Variants in BICC1 observed in about 807,000 individuals in gnomAD.
BICC1 encodes the protein protein bicaudal C homolog 1.
In BICC1, 43 loss-of-function variants were observed where a neutral mutation model predicts 111.0. The observed-to-expected ratio is 0.39, with a 90% CI of 0.30 to 0.50. BICC1 has a LOEUF of 0.50. Ranked by LOEUF, BICC1 falls within the 20% of genes least tolerant of loss-of-function variation. The pLI, the probability that BICC1 is intolerant of heterozygous loss-of-function variation, is 0.88. For missense variants in BICC1, 1,091 were observed against 1,203.2 expected (o/e 0.91, Z 1.38); for synonymous variants, 467 against 434.4 (o/e 1.07, Z -0.93).
intron 8 of BICC1, among the ~76,000 whole-genome samples, chr10:58,791,695 G>A (rs550467371): frequency 3.9e-5 from 6 of 152,170 alleles, no homozygotes; most frequent in African/African-American, 7.2e-5. Context: ...AGCCGAGATC[G>A]CGCCACTGCA....
At chr10:58,720,698 G>A (rs1456942576) in intron 3 of BICC1, among the ~76,000 whole-genome samples, 2 of 152,222 alleles carry the variant, frequency 1.3e-5, no homozygotes, top group Non-Finnish European at 2.9e-5. Context: ...ATCGGTGACA[G>A]CCGGTGACCT....
intron 1 of BICC1, among the ~76,000 whole-genome samples, chr10:58,519,398 C>G (rs1006797517): frequency 2.0e-5 from 3 of 152,084 alleles, no homozygotes; most frequent in Non-Finnish European, 4.4e-5. Context: ...TGGAAGTAGG[C>G]AAAGAAGAAG....
At chr10:58,755,110 A>C (rs1205297194) in intron 3 of BICC1, among the ~76,000 whole-genome samples, 1 of 146,284 alleles carries the variant, frequency 6.8e-6, no homozygotes, top group Non-Finnish European at 1.5e-5. Flanking sequence ...GTCAGATCAC[A>C]GGATTTTTCT....
chr10:58,513,460 C>T, intron 1 of BICC1, 127 bp downstream of exon 1: 1 of 904,346 alleles, frequency 1.1e-6, no homozygotes, highest in Non-Finnish European at 1.6e-6. Context: ...AGGCCCGCTC[C>T]CCCGCGGAGC....
At chr10:58,790,068 A>T in intron 8 of BICC1, 135 bp downstream of exon 8, 1 of 961,040 alleles carries the variant, frequency 1.0e-6, no homozygotes, top group Non-Finnish European at 1.6e-6. Flanking sequence ...GTTTCTTGCT[A>T]AAAGGAAATA....
intron 2 of BICC1, among the ~76,000 whole-genome samples, chr10:58,628,916 C>T (rs932104023): frequency 1.3e-5 from 2 of 152,126 alleles, no homozygotes; most frequent in African/African-American, 2.4e-5. Context: ...ATAGATGTCA[C>T]TCATATGTTG....
chr10:58,808,917 G>A (rs1005746261), intron 17 of BICC1, among the ~76,000 whole-genome samples: 2 of 152,028 alleles, frequency 1.3e-5, no homozygotes, highest in Admixed American at 6.6e-5. Context: ...GTTTCACCAT[G>A]TTGACCAGGC....
chr10:58,602,459 G>A (rs1490767515), intron 1 of BICC1, among the ~76,000 whole-genome samples: 1 of 152,122 alleles, frequency 6.6e-6, no homozygotes, highest in East Asian at 1.9e-4. Context: ...GTGGTTTGCT[G>A]CCTACTGATG....
intron 3 of BICC1, among the ~76,000 whole-genome samples, chr10:58,767,703 A>G (rs1464022524): frequency 1.3e-5 from 2 of 152,154 alleles, no homozygotes; most frequent in Non-Finnish European, 2.9e-5. Flanking sequence ...GTGTAAATCT[A>G]AATAAAACTC....
intron 2 of BICC1, among the ~76,000 whole-genome samples, chr10:58,628,912 G>A (rs766454592): frequency 2.6e-5 from 4 of 152,144 alleles, no homozygotes; most frequent in South Asian, 2.1e-4. Context: ...CTCCATAGAT[G>A]TCACTCATAT....
intron 4 of BICC1, among the ~76,000 whole-genome samples, chr10:58,785,767 A>G (rs1280533639): frequency 1.3e-5 from 2 of 152,190 alleles, no homozygotes; most frequent in African/African-American, 4.8e-5. Context: ...CAAAGGTATT[A>G]AGTAATTTGT....
At chr10:58,704,991 A>G (rs1032000407) in intron 3 of BICC1, among the ~76,000 whole-genome samples, 6 of 152,198 alleles carry the variant, frequency 3.9e-5, no homozygotes, top group African/African-American at 1.4e-4. Context: ...TTTTTAAGCC[A>G]TTAATCCTTT....
intron 15 of BICC1, 127 bp from the exon 16 acceptor site, chr10:58,806,457 G>T (rs1224200939): frequency 2.6e-6 from 2 of 778,598 alleles, no homozygotes; most frequent in East Asian, 2.5e-5. Context: ...GCATTATTGT[G>T]CAAAGCTTGG....
At chr10:58,651,690 A>G (rs1202646450) in intron 2 of BICC1, among the ~76,000 whole-genome samples, 3 of 152,188 alleles carry the variant, frequency 2.0e-5, no homozygotes, top group Non-Finnish European at 4.4e-5. Flanking sequence ...TGAAATACAT[A>G]CATCTAGAGT....
In BICC1 at chr10:58,817,640, G is replaced by A. The variant is rs1318361039; in HGVS notation, c.2612G>A (p.Ser871Asn). Residue 871 changes from serine (S) to asparagine (N), a missense_variant, in exon 19 of 21, where the codon AGC becomes AAC. Physicochemically the swap from Ser to Asn is conservative, Grantham distance 46. Around this residue, in one of 3 missense-constraint regions of BICC1, gnomAD observed 231 missense variants for 256.2 expected, o/e 0.90. Coordinates refer to ENST00000373886, the MANE Select transcript of BICC1 (RefSeq NM_001080512.3). Reference sequence around the variant, plus strand: ...GGAAGCAATGGCTGTAACTTAAATAGCTCTTTCAAAGGTTCTGACCTCCCT... The same window carrying A: ...GGAAGCAATGGCTGTAACTTAAATAACTCTTTCAAAGGTTCTGACCTCCCT... The part of the protein sequence containing the change: ...LTGSNGCNLN[S>N]SFKGSDLPEL... 6.2e-7 allele frequency: 1 copy of A among 1,613,342 alleles called. No individual in the cohort carries two copies. The highest frequency in any genetic ancestry group is 1.3e-5 in the African/African-American group (1 of 74,866).
intron 2 of BICC1, among the ~76,000 whole-genome samples, chr10:58,680,668 A>C (rs1048467947): frequency 7.9e-5 from 12 of 152,342 alleles, no homozygotes; most frequent in Admixed American, 7.8e-4. Context: ...GAATTAGAAA[A>C]ATCTACTTTA....
intron 3 of BICC1, among the ~76,000 whole-genome samples, chr10:58,710,892 A>G (rs1840552700): frequency 6.6e-6 from 1 of 152,122 alleles, no homozygotes; most frequent in Non-Finnish European, 1.5e-5. Context: ...TCCTTTGCCC[A>G]GGCTGGAGTG....
chr10:58,527,819 AG>A (rs538821236), intron 1 of BICC1, among the ~76,000 whole-genome samples: 173 of 152,082 alleles, frequency 1.1e-3, no homozygotes, highest in African/African-American at 3.9e-3. Flanking sequence ...TGAAATGCAG[AG>A]GAGCTTGGTG....
chr10:58,795,007 T>G (rs1325767226), intron 9 of BICC1, among the ~76,000 whole-genome samples: 1 of 152,194 alleles, frequency 6.6e-6, no homozygotes, highest in Non-Finnish European at 1.5e-5. Flanking sequence ...GTCTGTACAT[T>G]TTTAAGTATA....
Sources: allele counts gnomAD v4.1 joint callset (sites outside exome capture counted in the v4.1 genomes callset), GRCh38; gene constraint gnomAD v4.1.1; regional missense constraint gnomAD v4.1.1; transcripts MANE v1.5; gene names NCBI Gene and HGNC (gene_info 2026-07-23, HGNC 2026-07-21).